The following KCNIP4 variants were observed in gnomAD, a reference collection of about 807,000 sequenced individuals.
KCNIP4 encodes Kv channel-interacting protein 4.
A neutral mutation model predicts 34.0 loss-of-function variants in KCNIP4; 12 were observed. That is an observed-to-expected ratio of 0.35 (90% CI 0.23 to 0.57). The LOEUF (loss-of-function observed/expected upper bound fraction) is 0.57. Among genes scored for constraint, KCNIP4 ranks in the 20% least tolerant of loss-of-function variants. The probability of loss-of-function intolerance (pLI) is 0.83; values close to 1 mark genes in which losing one functional copy is unlikely to be tolerated. For synonymous variants in KCNIP4, 124 were observed against 102.2 expected, an observed-to-expected ratio of 1.21 and a Z score of -1.29; for missense variants, 238 against 311.7, an observed-to-expected ratio of 0.76 and a Z score of 1.78.
At chr4:20,776,916 T>A (rs1304965493) in intron 3 of KCNIP4, among the ~76,000 whole-genome samples, 1 of 151,538 alleles carries the variant, frequency 6.6e-6, no homozygotes, top group East Asian at 2.0e-4. Flanking sequence ...TTACTTTAGA[T>A]CAAAACACAG....
chr4:21,064,405 A>G (rs1038653123), intron 1 of KCNIP4, among the ~76,000 whole-genome samples: 1 of 123,142 alleles, frequency 8.1e-6, no homozygotes, highest in African/African-American at 3.2e-5. Flanking sequence ...ACCTCACAGG[A>G]AAAAAAAAAA....
intron 3 of KCNIP4, among the ~76,000 whole-genome samples, chr4:20,802,850 G>A (rs150273559): frequency 0.03 from 4,613 of 152,036 alleles, 115 homozygotes; most frequent in Middle Eastern, 0.048. Flanking sequence ...CGAGGCGGGC[G>A]GACCACGAGG....
At chr4:21,706,974 T>A (rs1713318733) in intron 1 of KCNIP4, among the ~76,000 whole-genome samples, 1 of 152,176 alleles carries the variant, frequency 6.6e-6, no homozygotes, top group South Asian at 2.1e-4. Context: ...CCATTATTAT[T>A]CCAGAAGCTG....
At chr4:21,645,058 G>T (rs1746912875) in intron 1 of KCNIP4, among the ~76,000 whole-genome samples, 1 of 152,084 alleles carries the variant, frequency 6.6e-6, no homozygotes, top group Admixed American at 6.6e-5. Flanking sequence ...TTTATTCACA[G>T]AAATAATCAT....
intron 1 of KCNIP4, among the ~76,000 whole-genome samples, chr4:21,212,254 T>C (rs1757268236): frequency 6.6e-6 from 1 of 152,246 alleles, no homozygotes; most frequent in South Asian, 2.1e-4. Flanking sequence ...TAAGTCACTG[T>C]CATGTCTCTG....
chr4:20,831,319 G>A (rs1718402739), intron 3 of KCNIP4, among the ~76,000 whole-genome samples: 1 of 152,184 alleles, frequency 6.6e-6, no homozygotes, highest in African/African-American at 2.4e-5. Flanking sequence ...AAAACTCAGT[G>A]TCAGAGCTGG....
At position 21,191,612 on chromosome 4, in the gene KCNIP4, C is replaced by T. The variant is rs531466430; in HGVS notation, c.62-308903G>A. Among the ~76,000 whole-genome samples the T allele has an allele frequency of 8.5e-5, 13 of 152,238 alleles. No individual in the cohort carries two copies. The South Asian group carries it at 1.9e-3, about 22-fold the overall frequency. On this transcript the variant is annotated intron_variant, in intron 1 of 8. Transcript: ENST00000382152. ...AGCTGAGGTCCACATTAACCATGGT[C>T]GGTGCACCTAATCATGAATCACAGC...
chr4:21,918,645 C>T (rs2108992440), intron 1 of KCNIP4, among the ~76,000 whole-genome samples: 1 of 152,202 alleles, frequency 6.6e-6, no homozygotes, highest in Admixed American at 6.5e-5. Context: ...CCAGCAAATG[C>T]AGAAATAACA....
Position 21,714,785 on chromosome 4 carries a change from G to GACT in KCNIP4, c.61+233785_61+233786insAGT, listed in dbSNP as rs939238600. On this transcript the variant is annotated intron_variant, in intron 1 of 8. Transcript: ENST00000382152. The stretch of plus-strand genomic sequence containing the variant: ...AAGAATGTGTTAGTAATTTCCCTTT[G>GACT]ATTATTTTATTTTATTTTATTTTAT... Among the ~76,000 whole-genome samples the GACT allele has an allele frequency of 1.8e-4, 8 of 43,388 alleles. 2 individuals are homozygous for GACT. The highest frequency in any genetic ancestry group is 1.6e-3 in the African/African-American group (8 of 5,002). 28.5% of individuals were successfully genotyped at this position (43,388 alleles called of 152,430 possible).
intron 1 of KCNIP4, among the ~76,000 whole-genome samples, chr4:21,802,838 T>G (rs1721081440): frequency 6.6e-6 from 1 of 152,170 alleles, no homozygotes. Flanking sequence ...TCTCAAAAAT[T>G]GCACCCCAAC....
chr4:20,787,298 C>T (rs1209820927), intron 3 of KCNIP4, among the ~76,000 whole-genome samples: 1 of 152,130 alleles, frequency 6.6e-6, no homozygotes, highest in African/African-American at 2.4e-5. Context: ...TTTGCTACCA[C>T]CGCAATTTAT....
At chr4:20,970,640 C>T (rs996307773) in intron 1 of KCNIP4, among the ~76,000 whole-genome samples, 1 of 152,130 alleles carries the variant, frequency 6.6e-6, no homozygotes, top group African/African-American at 2.4e-5. Context: ...GTCAATCAAC[C>T]TATAGTGCCG....
chr4:21,358,415 T>A (rs1718881755), intron 1 of KCNIP4, among the ~76,000 whole-genome samples: 1 of 152,114 alleles, frequency 6.6e-6, no homozygotes, highest in South Asian at 2.1e-4. Context: ...ATCAAATAGA[T>A]CCTCCGAACC....
intron 1 of KCNIP4, among the ~76,000 whole-genome samples, chr4:21,917,552 A>C (rs1728704413): frequency 6.6e-6 from 1 of 152,194 alleles, no homozygotes; most frequent in African/African-American, 2.4e-5. Context: ...AGAGAAGTTA[A>C]GGACTTGACC....
chr4:21,659,990 A>C (rs1032863665), intron 1 of KCNIP4, among the ~76,000 whole-genome samples: 7 of 152,076 alleles, frequency 4.6e-5, no homozygotes, highest in Non-Finnish European at 8.8e-5. Context: ...CCATTTGTTT[A>C]CCATGTCTTT....
intron 1 of KCNIP4, among the ~76,000 whole-genome samples, chr4:21,422,022 G>A (rs1725492480): frequency 6.6e-6 from 1 of 152,038 alleles, no homozygotes; most frequent in African/African-American, 2.4e-5. Context: ...TCTGTTCTAT[G>A]AGACATATCT....
chr4:21,915,129 C>A (rs893984198), intron 1 of KCNIP4, among the ~76,000 whole-genome samples: 2 of 152,122 alleles, frequency 1.3e-5, no homozygotes, highest in African/African-American at 4.8e-5. Flanking sequence ...GCCGTAAGGA[C>A]ACTGCTGTAA....
intron 1 of KCNIP4, among the ~76,000 whole-genome samples, chr4:21,760,172 C>T (rs1717949106): frequency 6.6e-6 from 1 of 152,084 alleles, no homozygotes; most frequent in African/African-American, 2.4e-5. Flanking sequence ...CCTTGCTACT[C>T]CTTCCCCTCA....
rs374496775 is a variant in KCNIP4, at chr4:21,909,774, G to A, written c.61+38797C>T. The stretch of plus-strand genomic sequence containing the variant: ...ATGGGGAGGCCTCACAATCATGGTG[G>A]AAGGCAAAAGTCACATCTTACATGG... On this transcript the variant is annotated intron_variant, in intron 1 of 8. Coordinates refer to ENST00000382152, the MANE Select transcript of KCNIP4 (RefSeq NM_025221.6). 1.1e-3 allele frequency among the ~76,000 whole-genome samples: 165 copies of A among 152,156 alleles called. 1 individual carries two copies. Among genetic ancestry groups the A allele is most frequent in the Middle Eastern group, 0.01 (3 of 294 alleles).
Sources: allele counts gnomAD v4.1 joint callset (sites outside exome capture counted in the v4.1 genomes callset), GRCh38; gene constraint gnomAD v4.1.1; transcripts MANE v1.5; gene names NCBI Gene and HGNC (gene_info 2026-07-23, HGNC 2026-07-21).